IL23R: variants seen among roughly 807,000 people sequenced by gnomAD.
IL23R encodes the protein interleukin-23 receptor.
In IL23R, 34 loss-of-function variants were observed where a neutral mutation model predicts 56.9. The observed-to-expected ratio is 0.60, with a 90% CI of 0.45 to 0.80. IL23R has a LOEUF of 0.80. Among genes scored for constraint, IL23R ranks in the 30% least tolerant of loss-of-function variants. IL23R has a pLI of 0.00. For missense variants in IL23R, 635 were observed against 730.0 expected, an observed-to-expected ratio of 0.87 and a Z score of 1.50; for synonymous variants, 230 against 249.2, an observed-to-expected ratio of 0.92 and a Z score of 0.73.
upstream of IL23R, among the ~76,000 whole-genome samples, chr1:67,163,848 T>A (rs1001974411): frequency 6.6e-6 from 1 of 152,214 alleles, no homozygotes; most frequent in African/African-American, 2.4e-5. Context: ...GCCTCTTTTC[T>A]TTATAAATTA....
rs759642208 is a variant in IL23R at position 67,200,829 on chromosome 1, G to T, written c.584G>T (p.Trp195Leu). 6.2e-7 allele frequency: 1 copy of T among 1,614,040 alleles called. No homozygotes were observed. The highest frequency in any genetic ancestry group is 1.1e-5 in the South Asian group (1 of 91,078). The change falls in exon 5 of 11, where the codon TGG (tryptophan) becomes TTG (leucine). Residue 195 changes from tryptophan (W) to leucine (L), a missense_variant. Transcript: ENST00000347310. Reference sequence around the variant, plus strand: ...CAAGGTGGCAAGAAGTACTTGGTTTGGGTCCAAGCAGCAAACGCACTAGGC... The same window carrying T: ...CAAGGTGGCAAGAAGTACTTGGTTTTGGTCCAAGCAGCAAACGCACTAGGC... ...SLQGGKKYLV[W>L]VQAANALGME... is the part of the protein sequence containing the mutation.
chr1:67,253,287 A>G (rs1652750780), intron 9 of IL23R, among the ~76,000 whole-genome samples: 1 of 152,132 alleles, frequency 6.6e-6, no homozygotes, highest in Admixed American at 6.6e-5. Flanking sequence ...ATGGTTAGTT[A>G]TTTAAAATGA....
chr1:67,204,462 T>A (rs1259331374), intron 5 of IL23R, among the ~76,000 whole-genome samples: 1 of 152,226 alleles, frequency 6.6e-6, no homozygotes, highest in Non-Finnish European at 1.5e-5. Flanking sequence ...TGCAAAAATA[T>A]GAACTCATTC....
In IL23R at chr1:67,255,913, G is replaced by C; in HGVS notation, c.1225G>C (p.Val409Leu). Residue 409 changes from valine (V) to leucine (L), a missense_variant, in exon 10 of 11, where the codon GTG becomes CTG. Coordinates refer to ENST00000347310, the MANE Select transcript of IL23R (RefSeq NM_144701.3). ...TCCTAATATGAAAAACAGCAATGTT[G>C]TGAAAATGCTACAGGTAACCTAACA... ...DIPNMKNSNV[V>L]KMLQENSELM... 6.3e-7 allele frequency: 1 copy of C among 1,596,492 alleles called. No homozygotes were observed. Among genetic ancestry groups the C allele is most frequent in the Non-Finnish European group, 8.6e-7 (1 of 1,164,350 alleles).
chr1:67,255,729 G>T, intron 9 of IL23R, 108 bp from the exon 10 acceptor site: 1 of 647,774 alleles, frequency 1.5e-6, no homozygotes, highest in Non-Finnish European at 2.9e-6. Context: ...ATGAGCCACT[G>T]TGCCCGACCT....
exon 11 of IL23R, chr1:67,259,965 G>GAAAAAAAAAAAAAAA (rs372460431): frequency 2.6e-5 from 2 of 76,064 alleles, no homozygotes; most frequent in East Asian, 1.3e-3. Flanking sequence ...ACTCTGTCTG[G>GAAAAAAAAAAAAAAA]AAAAAAAAAA....
chr1:67,146,510 A>G lies in IL23R; in HGVS notation c.-634+7349A>G, dbSNP rs573561587. 1.6e-4 allele frequency among the ~76,000 whole-genome samples: 25 copies of G among 152,296 alleles called. 1 individual carries two copies. In the East Asian group the frequency reaches 4.8e-3, roughly 29 times the overall value. On this transcript the variant is annotated intron_variant, in intron 1 of 10. Transcript: ENST00000637002. ...CACTCTAGGACTCAGGCCTGAATTG[A>G]TGGGGACTGGTCCAATAAATAATAT...
chr1:67,220,356 G>C (rs898721108), intron 7 of IL23R, among the ~76,000 whole-genome samples: 1 of 151,476 alleles, frequency 6.6e-6, no homozygotes, highest in African/African-American at 2.4e-5. Flanking sequence ...CCAAGAGAGA[G>C]AGACTTGGTC....
upstream of IL23R, among the ~76,000 whole-genome samples, chr1:67,166,023 C>T (rs6683455): frequency 0.88 from 134,518 of 152,244 alleles, 59,479 homozygotes; most frequent in East Asian, 1. Context: ...TGTATAATAA[C>T]TTCACAAAAT....
intron 7 of IL23R, among the ~76,000 whole-genome samples, chr1:67,222,600 A>G (rs1650368152): frequency 6.6e-6 from 1 of 152,122 alleles, no homozygotes; most frequent in Non-Finnish European, 1.5e-5. Context: ...ATGCAAATTG[A>G]TAACTACCAT....
chr1:67,201,141 C>T (rs912050175), intron 5 of IL23R, among the ~76,000 whole-genome samples: 6 of 151,826 alleles, frequency 4.0e-5, no homozygotes, highest in African/African-American at 7.3e-5. Flanking sequence ...CGGTGGCTCA[C>T]GCCTGTAATC....
At chr1:67,178,906 T>C (rs1647049937) in intron 3 of IL23R, among the ~76,000 whole-genome samples, 2 of 152,260 alleles carry the variant, frequency 1.3e-5, no homozygotes, top group Admixed American at 6.5e-5. Context: ...TCTGTTGATA[T>C]GCTGGATTAC....
rs1265791749 is a variant in IL23R at position 67,258,777 on chromosome 1, T to C, written c.1539T>C (p.Val513=). ...CTTCCTTAACACTTAAACCACCAGT[T>C]GATTCCTTAGACTCAGGAAATAATC... ...EITSLTLKPP[V]DSLDSGNNPR... The change falls in exon 11 of 11, where the codon GTT becomes GTC. Residue 513 remains valine, a synonymous_variant. Coordinates refer to ENST00000347310, the MANE Select transcript of IL23R (RefSeq NM_144701.3). 1.2e-6 allele frequency: 2 copies of C among 1,611,116 alleles called. No homozygotes were observed. The highest frequency in any genetic ancestry group is 2.2e-5 in the South Asian group (2 of 90,852).
chr1:67,140,609 TAC>T (rs1646627877), intron 1 of IL23R, among the ~76,000 whole-genome samples: 1 of 152,210 alleles, frequency 6.6e-6, no homozygotes, highest in African/African-American at 2.4e-5. Context: ...GATGGGAATT[TAC>T]AGTTTATGTA....
chr1:67,239,303 G>A (rs11465813), intron 8 of IL23R, among the ~76,000 whole-genome samples: 1,750 of 152,212 alleles, frequency 0.011, 30 homozygotes, highest in Middle Eastern at 0.044. Context: ...TGGCTCTGTC[G>A]CCCAGGCTGG....
chr1:67,248,619 A>G (rs1652401042), intron 9 of IL23R, among the ~76,000 whole-genome samples: 1 of 152,160 alleles, frequency 6.6e-6, no homozygotes, highest in Non-Finnish European at 1.5e-5. Flanking sequence ...CTGTCAATTC[A>G]TCAAACTCAT....
intron 7 of IL23R, among the ~76,000 whole-genome samples, chr1:67,220,309 C>G (rs914049824): frequency 1.3e-5 from 2 of 151,576 alleles, no homozygotes; most frequent in Admixed American, 1.3e-4. Context: ...GTGGAGGTTG[C>G]AGTGAACTGA....
At position 67,258,587 on chromosome 1, in the gene IL23R, A is replaced by G; in HGVS notation, c.1349A>G (p.Tyr450Cys). 1 of 1,613,682 alleles carries G rather than the reference A, an allele frequency of 6.2e-7. No homozygotes were observed. Among genetic ancestry groups the G allele is most frequent in the Non-Finnish European group, 8.5e-7 (1 of 1,179,860 alleles). The change falls in exon 11 of 11, where the codon TAC becomes TGC. Residue 450 changes from tyrosine to cysteine, a missense_variant. Tyr to Cys is a radical substitution (Grantham distance 194, BLOSUM62 -2). Transcript: ENST00000347310. The stretch of plus-strand genomic sequence containing the variant: ...ATCCCAGAACACAAGCCTACAGACT[A>G]CAAGAAGGAGAATACAGGACCCCTG... ...IFIPEHKPTD[Y>C]KKENTGPLET...
chr1:67,156,189 C>T (rs1295270386), intron 1 of IL23R, among the ~76,000 whole-genome samples: 1 of 152,184 alleles, frequency 6.6e-6, no homozygotes, highest in East Asian at 1.9e-4. Flanking sequence ...GGGCACCAGC[C>T]TGATGCCAGC....
Sources: allele counts gnomAD v4.1 joint callset (sites outside exome capture counted in the v4.1 genomes callset), GRCh38; gene constraint gnomAD v4.1.1; transcripts MANE v1.5; gene names NCBI Gene and HGNC (gene_info 2026-07-23, HGNC 2026-07-21).